RIT2: variants seen among roughly 807,000 people sequenced by gnomAD.
RIT2 encodes the protein GTP-binding protein Rit2.
A neutral mutation model predicts 23.7 loss-of-function variants in RIT2; 24 were observed. That is an observed-to-expected ratio of 1.01 (90% CI 0.73 to 1.43). The LOEUF (loss-of-function observed/expected upper bound fraction) is 1.43, where lower values mean the gene tolerates loss of function less well. RIT2 is among the 40% of genes most tolerant of loss of function. The pLI, the probability that RIT2 is intolerant of heterozygous loss-of-function variation, is 0.00. For missense variants in RIT2, 236 were observed against 266.9 expected (o/e 0.88, Z 0.81); for synonymous variants, 107 against 91.1 (o/e 1.17, Z -0.99).
At chr18:42,834,458 T>C (rs1388387097) in intron 4 of RIT2, among the ~76,000 whole-genome samples, 1 of 152,128 alleles carries the variant, frequency 6.6e-6, no homozygotes, top group African/African-American at 2.4e-5. Flanking sequence ...ACATTAATTA[T>C]ATGACTAGAT....
chr18:43,060,321 T>C (rs547249332), intron 1 of RIT2, among the ~76,000 whole-genome samples: 146 of 152,256 alleles, frequency 9.6e-4, no homozygotes, highest in African/African-American at 3.1e-3. Context: ...CATTTGATGT[T>C]ATGATTGAGT....
chr18:42,782,564 C>A (rs559595979), intron 4 of RIT2, among the ~76,000 whole-genome samples: 20 of 152,060 alleles, frequency 1.3e-4, no homozygotes, highest in Admixed American at 3.9e-4. Context: ...CAATATAAGA[C>A]AATAGTGCTT....
rs188631253 is a variant in RIT2 at position 43,091,943 on chromosome 18, T to C, written c.103+23474A>G. On this transcript the variant is annotated intron_variant, in intron 1 of 4. Coordinates refer to ENST00000326695, the MANE Select transcript of RIT2 (RefSeq NM_002930.4). ...ATCTACACATATCTAAGTAAAATGA[T>C]TTCAAGTTTTGAAAGAATTCAAAAT... 7.1e-3 allele frequency among the ~76,000 whole-genome samples: 1,075 copies of C among 152,238 alleles called. 8 individuals are homozygous for C. The highest frequency in any genetic ancestry group is 0.011 in the Admixed American group (169 of 15,246).
chr18:42,774,906 C>T (rs895197351), intron 4 of RIT2, among the ~76,000 whole-genome samples: 1 of 152,070 alleles, frequency 6.6e-6, no homozygotes, highest in Non-Finnish European at 1.5e-5. Context: ...TTATACACAA[C>T]AGTATGATTG....
chr18:43,086,805 G>C (rs967902900), intron 1 of RIT2, among the ~76,000 whole-genome samples: 2 of 152,140 alleles, frequency 1.3e-5, no homozygotes, highest in Non-Finnish European at 2.9e-5. Flanking sequence ...AAGGAAGTGG[G>C]CAAATGCCAC....
chr18:43,050,754 A>G (rs942657078), intron 1 of RIT2, among the ~76,000 whole-genome samples: 2 of 152,034 alleles, frequency 1.3e-5, no homozygotes, highest in Non-Finnish European at 2.9e-5. Flanking sequence ...AACATTGTGA[A>G]GCTTCCATAA....
chr18:42,751,947 G>A (rs1913056131), intron 4 of RIT2, among the ~76,000 whole-genome samples: 1 of 151,866 alleles, frequency 6.6e-6, no homozygotes, highest in Non-Finnish European at 1.5e-5. Context: ...ACATTTTCAT[G>A]TTTTCAGGAA....
At chr18:42,905,168 A>G (rs572346454) in intron 4 of RIT2, among the ~76,000 whole-genome samples, 22 of 152,316 alleles carry the variant, frequency 1.4e-4, no homozygotes, top group African/African-American at 5.3e-4. Context: ...CTGGTAATGC[A>G]AAGAACTAGG....
intron 4 of RIT2, among the ~76,000 whole-genome samples, chr18:42,911,390 TA>T (rs1015984879): frequency 2.6e-5 from 4 of 151,854 alleles, no homozygotes; most frequent in Admixed American, 1.3e-4. Flanking sequence ...CCAATTCATC[TA>T]AAAAAATCAA....
rs139641091 is a variant in RIT2, at chr18:42,992,435, G to A, written c.161-18288C>T. ...CTAGACTCTCTTCCCAATGCAACTC[G>A]TCCCAAATCTTCCTTCCCTCCCACC... On this transcript the variant is annotated intron_variant, in intron 2 of 4. Coordinates refer to ENST00000326695, the MANE Select transcript of RIT2 (RefSeq NM_002930.4). 3.3e-3 allele frequency among the ~76,000 whole-genome samples: 500 copies of A among 151,984 alleles called. 2 individuals are homozygous for A. Among genetic ancestry groups the A allele is most frequent in the African/African-American group, 5.7e-3 (235 of 41,476 alleles).
chr18:43,020,017 G>A (rs914864414), intron 2 of RIT2, among the ~76,000 whole-genome samples: 2 of 150,824 alleles, frequency 1.3e-5, no homozygotes, highest in African/African-American at 2.4e-5. Flanking sequence ...GCAAAACACT[G>A]ATGAAAGAAA....
intron 1 of RIT2, among the ~76,000 whole-genome samples, chr18:43,039,999 G>T (rs1313286076): frequency 6.6e-6 from 1 of 152,116 alleles, no homozygotes; most frequent in Non-Finnish European, 1.5e-5. Flanking sequence ...GAATCTATTT[G>T]TCTAAAAAGG....
intron 2 of RIT2, among the ~76,000 whole-genome samples, chr18:43,009,095 A>G (rs774154270): frequency 2.6e-5 from 4 of 151,742 alleles, no homozygotes; most frequent in Non-Finnish European, 5.9e-5. Flanking sequence ...AATATTTGGT[A>G]TTTATTAAAA....
At chr18:42,901,346 T>C (rs1040466088) in intron 4 of RIT2, among the ~76,000 whole-genome samples, 4 of 151,954 alleles carry the variant, frequency 2.6e-5, no homozygotes, top group African/African-American at 9.7e-5. Flanking sequence ...CTATTTTTGT[T>C]TGAGAGAATG....
chr18:43,026,576 G>GAAAGAAAGAAAGAAAGAAAGAAAGAAAT lies in RIT2; in HGVS notation c.160+7234_160+7235insATTTCTTTCTTTCTTTCTTTCTTTCTTT, dbSNP rs1911726193. 4.4e-3 allele frequency among the ~76,000 whole-genome samples: 104 copies of GAAAGAAAGAAAGAAAGAAAGAAAGAAAT among 23,378 alleles called. 2 individuals carry two copies. The highest frequency in any genetic ancestry group is 0.013 in the African/African-American group (101 of 7,514). The allele number at this position is 23,378 out of a possible 152,430, so 15.3% of individuals were successfully genotyped here. A position where few individuals can be genotyped will look rare whatever the true frequency, so the allele number is the denominator to read the frequency against. ...AAAAAAAAAAGTAAGAAATAAATAA[G>GAAAGAAAGAAAGAAAGAAAGAAAGAAAT]AAAGAAAGAAAGAAAGAAAGAAAGA... On this transcript the variant is annotated intron_variant, in intron 2 of 4. Coordinates refer to ENST00000326695, the MANE Select transcript of RIT2 (RefSeq NM_002930.4).
At chr18:43,043,425 T>C (rs1912174195) in intron 1 of RIT2, among the ~76,000 whole-genome samples, 1 of 152,198 alleles carries the variant, frequency 6.6e-6, no homozygotes, top group Admixed American at 6.5e-5. Flanking sequence ...ACACTAAATG[T>C]TAATTTTTGA....
chr18:42,797,885 T>A (rs890609621), intron 4 of RIT2, among the ~76,000 whole-genome samples: 2 of 152,170 alleles, frequency 1.3e-5, no homozygotes, highest in African/African-American at 4.8e-5. Flanking sequence ...AGACATACAA[T>A]GCTTACAAGA....
At position 42,743,409 on chromosome 18, in the gene RIT2, A is replaced by G; in HGVS notation, c.*84T>C. ...TTTAAAGAGAGAGAGACACATAGAG[A>G]GATAATATTGAAGCAGAATGCTACA... On this transcript the variant is annotated 3_prime_UTR_variant, in exon 5 of 5. Coordinates refer to ENST00000326695, the MANE Select transcript of RIT2 (RefSeq NM_002930.4). The G allele has an allele frequency of 2.1e-6, 2 of 956,506 alleles. No homozygotes were observed. The highest frequency in any genetic ancestry group is 2.9e-5 in the South Asian group (2 of 70,120). 59.3% of individuals were successfully genotyped at this position (956,506 alleles called of 1,614,324 possible). A position where few individuals can be genotyped will look rare whatever the true frequency, so the allele number is the denominator to read the frequency against.
intron 2 of RIT2, among the ~76,000 whole-genome samples, chr18:43,020,312 C>A (rs1462506038): frequency 6.6e-6 from 1 of 151,940 alleles, no homozygotes; most frequent in East Asian, 1.9e-4. Context: ...TGGTGAAACC[C>A]TCTGTCAACT....
Sources: allele counts gnomAD v4.1 joint callset (sites outside exome capture counted in the v4.1 genomes callset), GRCh38; gene constraint gnomAD v4.1.1; transcripts MANE v1.5; gene names NCBI Gene and HGNC (gene_info 2026-07-23, HGNC 2026-07-21).